The following SLC6A17 variants were observed in gnomAD, a reference collection of about 807,000 sequenced individuals.
The protein encoded by SLC6A17 is sodium-dependent neutral amino acid transporter SLC6A17.
Under a neutral mutation model 64.5 loss-of-function variants are expected in SLC6A17, and 21 were observed. The ratio of observed to expected loss-of-function variants is 0.33; its 90% CI spans 0.23 to 0.47. The LOEUF (loss-of-function observed/expected upper bound fraction) is 0.47. SLC6A17 is among the 20% of genes least tolerant of loss of function. SLC6A17 has a pLI of 1.00. For missense variants in SLC6A17, 682 were observed against 963.2 expected, an observed-to-expected ratio of 0.71 and a Z score of 3.86; for synonymous variants, 372 against 399.5, an observed-to-expected ratio of 0.93 and a Z score of 0.82.
chr1:110,194,707 G>C lies in SLC6A17; in HGVS notation c.1428G>C (p.Gly476=), dbSNP rs1454635763. 2 of 1,614,052 alleles carry C rather than the reference G, an allele frequency of 1.2e-6. No individual in the cohort carries two copies. Among genetic ancestry groups the C allele is most frequent in the Admixed American group, 1.7e-5 (1 of 60,012 alleles). ...ACCTGGGCCTGGGCAGCATGATCGG[G>C]ACCATGGCAGGCATCACCACGCCCA... is the stretch of plus-strand genomic sequence containing the variant. The part of the protein sequence containing the change: ...LINLGLGSMI[G]TMAGITTPII... Residue 476 remains glycine (G), a synonymous_variant, in exon 9 of 12, where the codon GGG becomes GGC. Coordinates refer to ENST00000331565, the MANE Select transcript of SLC6A17 (RefSeq NM_001010898.4).
intron 6 of SLC6A17, among the ~76,000 whole-genome samples, chr1:110,181,869 G>A (rs544834332): frequency 6.6e-6 from 1 of 152,330 alleles, no homozygotes; most frequent in Admixed American, 6.5e-5. Context: ...AGGGGAAGGA[G>A]GTAGGACGTA....
At position 110,198,589 on chromosome 1, in the gene SLC6A17, T is replaced by G; in HGVS notation, c.*145T>G. 1 of 1,354,624 alleles carries G rather than the reference T, an allele frequency of 7.4e-7. No individual in the cohort carries two copies. The highest frequency in any genetic ancestry group is 9.9e-7 in the Non-Finnish European group (1 of 1,007,484). 83.9% of individuals were successfully genotyped at this position (1,354,624 alleles called of 1,614,324 possible). On this transcript the variant is annotated 3_prime_UTR_variant, in exon 12 of 12. Transcript: ENST00000331565. ...GGTCTGCCCTGCCTCACTCCCCTCT[T>G]CAGTCCCAGTAGACTCTGCTCCCTA...
intron 1 of SLC6A17, among the ~76,000 whole-genome samples, chr1:110,160,266 G>T (rs1408587464): frequency 1.3e-5 from 2 of 152,340 alleles, no homozygotes; most frequent in South Asian, 2.1e-4. Context: ...CAGACTTCCG[G>T]TAGGTTCAAA....
At position 110,198,873 on chromosome 1, in the gene SLC6A17, TGGAC is replaced by T; in HGVS notation, c.*430_*433del. The T allele has an allele frequency of 6.0e-6, 1 of 167,870 alleles. No homozygotes were observed. The highest frequency in any genetic ancestry group is 1.3e-5 in the Non-Finnish European group (1 of 78,202). The allele number at this position is 167,870 out of a possible 1,614,324, so 10.4% of individuals were successfully genotyped here. ...AGGCCTTGGGGCTGGGGAAGGAGAG[TGGAC>T]TTTGGCTCACTCTGCCATGAGAACA... On this transcript the variant is annotated 3_prime_UTR_variant, in exon 12 of 12. Coordinates refer to ENST00000331565, the MANE Select transcript of SLC6A17 (RefSeq NM_001010898.4).
chr1:110,197,704 G>C (rs904446317), intron 11 of SLC6A17, 105 bp downstream of exon 11: 2 of 1,322,272 alleles, frequency 1.5e-6, no homozygotes, highest in Non-Finnish European at 1.0e-6. Context: ...TATGTGCCAG[G>C]CCTTGCCAGG....
intron 1 of SLC6A17, among the ~76,000 whole-genome samples, chr1:110,154,458 A>T (rs1341206990): frequency 6.6e-6 from 1 of 152,206 alleles, no homozygotes; most frequent in Non-Finnish European, 1.5e-5. Context: ...CCCCGGGAAA[A>T]GGGGAAATCG....
Position 110,198,629 on chromosome 1 carries a change from G to T in SLC6A17, c.*185G>T, listed in dbSNP as rs562147986. 1.7e-5 allele frequency: 17 copies of T among 1,011,660 alleles called. No homozygotes were observed. Among genetic ancestry groups the T allele is most frequent in the Non-Finnish European group, 2.4e-5 (17 of 719,074 alleles). The allele number at this position is 1,011,660 out of a possible 1,614,324, so 62.7% of individuals were successfully genotyped here. A position where few individuals can be genotyped will look rare whatever the true frequency, so the allele number is the denominator to read the frequency against. ...TCTGCTCCCTAGCCCTGAGCAGGAG[G>T]CTGGGAGCAGCTCTGTTTCCTAATT... On this transcript the variant is annotated 3_prime_UTR_variant, in exon 12 of 12. Transcript: ENST00000331565.
intron 1 of SLC6A17, among the ~76,000 whole-genome samples, chr1:110,164,388 C>T (rs1655992407): frequency 6.6e-6 from 1 of 152,202 alleles, no homozygotes; most frequent in Admixed American, 6.5e-5. Context: ...TCTCTCTGGG[C>T]CTCAGTTTGT....
Position 110,172,155 on chromosome 1 carries a change from A to G in SLC6A17, c.382A>G (p.Ser128Gly). ...LAVGQRIRRG[S>G]IGVWHYICPR... Reference sequence around the variant, plus strand: ...TGTGGGTCAGAGGATCCGCCGCGGCAGCATCGGTGTGTGGCACTATATATG... The same window carrying G: ...TGTGGGTCAGAGGATCCGCCGCGGCGGCATCGGTGTGTGGCACTATATATG... The change falls in exon 3 of 12, where the codon AGC (serine) becomes GGC (glycine). Residue 128 changes from serine to glycine, a missense_variant. Around this residue, in one of 3 missense-constraint regions of SLC6A17, gnomAD observed 415 missense variants for 603.8 expected, o/e 0.69. Transcript: ENST00000331565. 6.2e-7 allele frequency: 1 copy of G among 1,613,060 alleles called. No homozygotes were observed. The highest frequency in any genetic ancestry group is 8.5e-7 in the Non-Finnish European group (1 of 1,179,584).
chr1:110,174,415 T>G (rs999122323), intron 4 of SLC6A17, among the ~76,000 whole-genome samples: 7 of 152,160 alleles, frequency 4.6e-5, no homozygotes, highest in African/African-American at 1.7e-4. Flanking sequence ...TTCACACCAC[T>G]CATCTAACCA....
At position 110,192,624 on chromosome 1, in the gene SLC6A17, A is replaced by T. The variant is rs1225487125; in HGVS notation, c.1225A>T (p.Ile409Phe). Residue 409 changes from isoleucine to phenylalanine, a missense_variant, in exon 8 of 12, where the codon ATC (isoleucine) becomes TTC (phenylalanine). Physicochemically the swap from Ile to Phe is conservative, Grantham distance 21. This residue lies in a region of SLC6A17 where 415 missense variants were observed against 603.8 expected (regional missense o/e 0.69). Transcript: ENST00000331565. The surrounding 1 kb of genome is among the most constrained non-coding windows in gnomAD (Gnocchi z 4.3). ...TKDYMEMYNV[I>F]MTVKEDQFSA... The stretch of plus-strand genomic sequence containing the variant: ...GGACTACATGGAGATGTACAATGTC[A>T]TCATGACCGTGAAGGAGGACCAGTT... 5.0e-6 allele frequency: 8 copies of T among 1,614,192 alleles called. No homozygotes were observed. The highest frequency in any genetic ancestry group is 6.8e-6 in the Non-Finnish European group (8 of 1,180,024).
intron 8 of SLC6A17, 152 bp from the exon 9 acceptor site, chr1:110,194,427 A>G (rs1014277711): frequency 1.5e-5 from 12 of 809,698 alleles, no homozygotes; most frequent in Non-Finnish European, 2.3e-5. Flanking sequence ...TTCGAGACCC[A>G]CTGGCCAAAA....
In SLC6A17 at chr1:110,176,664, G is replaced by T; in HGVS notation, c.789G>T (p.Val263=). The T allele has an allele frequency of 1.2e-6, 2 of 1,614,088 alleles. No individual in the cohort carries two copies. Among genetic ancestry groups the T allele is most frequent in the Non-Finnish European group, 1.7e-6 (2 of 1,179,986 alleles). ...TCAGCTCCCTCTTCCCCTACGTGGT[G>T]CTGGCCTGCTTCCTGGTCCGGGGGC... ...MYFSSLFPYV[V]LACFLVRGLL... The change falls in exon 6 of 12, where the codon GTG becomes GTT. Residue 263 remains valine, a synonymous_variant. Coordinates refer to ENST00000331565, the MANE Select transcript of SLC6A17 (RefSeq NM_001010898.4).
At position 110,198,463 on chromosome 1, in the gene SLC6A17, C is replaced by G. The variant is rs756464350; in HGVS notation, c.*19C>G. 1.3e-6 allele frequency: 2 copies of G among 1,584,638 alleles called. No individual in the cohort carries two copies. The highest frequency in any genetic ancestry group is 2.3e-5 in the South Asian group (2 of 86,064). ...GCTGTGACCACTGCCCAAGCCCTGCCCGCCTCTCCCCCCACGCTCAACCTG... is the reference window on the plus strand; with the variant it reads ...GCTGTGACCACTGCCCAAGCCCTGCGCGCCTCTCCCCCCACGCTCAACCTG... On this transcript the variant is annotated 3_prime_UTR_variant, in exon 12 of 12. Coordinates refer to ENST00000331565, the MANE Select transcript of SLC6A17 (RefSeq NM_001010898.4).
intron 1 of SLC6A17, among the ~76,000 whole-genome samples, chr1:110,152,919 G>A (rs925536601): frequency 8.5e-5 from 13 of 152,174 alleles, no homozygotes; most frequent in Non-Finnish European, 1.3e-4. Context: ...GGGTTGTGGG[G>A]ACACATGAAG....
intron 6 of SLC6A17, among the ~76,000 whole-genome samples, chr1:110,183,588 T>C (rs576286965): frequency 2.6e-5 from 4 of 152,230 alleles, no homozygotes; most frequent in Non-Finnish European, 5.9e-5. Flanking sequence ...CTAAAAACGA[T>C]TGAATTGTGC....
In SLC6A17 at chr1:110,198,399, T is replaced by C; in HGVS notation, c.2139T>C (p.Tyr713=). The C allele has an allele frequency of 6.2e-7, 1 of 1,613,770 alleles. No homozygotes were observed. The highest frequency in any genetic ancestry group is 8.5e-7 in the Non-Finnish European group (1 of 1,179,942). Residue 713 remains tyrosine, a synonymous_variant, in exon 12 of 12, where the codon TAT becomes TAC. Coordinates refer to ENST00000331565, the MANE Select transcript of SLC6A17 (RefSeq NM_001010898.4). ...LETSGNPNGR[Y]GSGYLLASTP... ...CCAGCGGTAACCCCAATGGACGCTA[T>C]GGGAGCGGCTACCTGCTGGCCAGCA...
chr1:110,153,477 A>T (rs74117525), intron 1 of SLC6A17, among the ~76,000 whole-genome samples: 2,819 of 150,614 alleles, frequency 0.019, 104 homozygotes, highest in African/African-American at 0.065. Flanking sequence ...GCAGCAAGAA[A>T]GAAGCCATGC....
intron 6 of SLC6A17, among the ~76,000 whole-genome samples, chr1:110,184,460 T>A (rs535786887): frequency 6.6e-6 from 1 of 152,374 alleles, no homozygotes; most frequent in Admixed American, 6.5e-5. Flanking sequence ...CACTTTTGTG[T>A]GCACTTTGCA....
Sources: gnomAD v4.1 joint callset for allele counts (sites outside exome capture counted in the v4.1 genomes callset) on GRCh38, gnomAD v4.1.1 for gene constraint, gnomAD v4.1.1 regional missense constraint, Gnocchi (gnomAD v3.1) non-coding constraint, MANE v1.5 for transcripts, NCBI Gene and HGNC (gene_info 2026-07-23, HGNC 2026-07-21) for gene names.